KCND3: variants seen among roughly 807,000 people sequenced by gnomAD.
KCND3 encodes potassium voltage-gated channel subfamily D member 3.
KCND3 carries 9 observed loss-of-function variants against 51.1 expected under a neutral mutation model. The observed-to-expected ratio is 0.18, with a 90% CI of 0.11 to 0.31. KCND3 has a LOEUF of 0.31. Among genes scored for constraint, KCND3 ranks in the 10% least tolerant of loss-of-function variants. KCND3 has a pLI of 1.00. For synonymous variants in KCND3, 349 were observed against 368.0 expected (o/e 0.95, Z 0.59); for missense variants, 526 against 903.8 (o/e 0.58, Z 5.36).
intron 2 of KCND3, among the ~76,000 whole-genome samples, chr1:111,900,990 G>A (rs1048390558): frequency 2.0e-5 from 3 of 152,114 alleles, no homozygotes; most frequent in African/African-American, 7.2e-5. Context: ...ACAAAAACTG[G>A]TTGAATGAAT....
intron 2 of KCND3, among the ~76,000 whole-genome samples, chr1:111,811,585 C>G (rs1183064545): frequency 6.6e-6 from 1 of 152,052 alleles, no homozygotes; most frequent in African/African-American, 2.4e-5. Context: ...TTTCTGAGTC[C>G]CTGGGTGAAT....
intron 2 of KCND3, among the ~76,000 whole-genome samples, chr1:111,848,404 G>A (rs1197912810): frequency 6.6e-6 from 1 of 152,196 alleles, no homozygotes; most frequent in Non-Finnish European, 1.5e-5. Context: ...ACACAGCCAG[G>A]GCTTTGGGAC....
intron 2 of KCND3, among the ~76,000 whole-genome samples, chr1:111,794,882 C>T (rs140882107): frequency 1.2e-3 from 187 of 152,270 alleles, no homozygotes; most frequent in Non-Finnish European, 2.1e-3. Flanking sequence ...GTAAGTAATA[C>T]GCCCAAGGTC....
intron 2 of KCND3, among the ~76,000 whole-genome samples, chr1:111,832,314 C>T (rs568378209): frequency 1.3e-5 from 2 of 152,272 alleles, no homozygotes; most frequent in African/African-American, 4.8e-5. Context: ...CCGAGAGAAG[C>T]CTGGGACGTT....
intron 2 of KCND3, among the ~76,000 whole-genome samples, chr1:111,895,884 A>G (rs1026821541): frequency 2.0e-5 from 3 of 152,238 alleles, no homozygotes; most frequent in Non-Finnish European, 4.4e-5. Flanking sequence ...ATCTGGGGCC[A>G]CATCAAGTGT....
At chr1:111,952,326 A>G (rs1371255794) in intron 2 of KCND3, among the ~76,000 whole-genome samples, 1 of 152,070 alleles carries the variant, frequency 6.6e-6, no homozygotes, top group Non-Finnish European at 1.5e-5. Flanking sequence ...GGCAGGGCTG[A>G]CCTGGAAGCC....
chr1:111,856,009 T>A (rs1214990506), intron 2 of KCND3, among the ~76,000 whole-genome samples: 2 of 152,162 alleles, frequency 1.3e-5, no homozygotes, highest in African/African-American at 4.8e-5. Flanking sequence ...AACCTCACCC[T>A]CTTTTCTCCC....
At chr1:111,886,751 A>T (rs1669589171) in intron 2 of KCND3, among the ~76,000 whole-genome samples, 2 of 152,202 alleles carry the variant, frequency 1.3e-5, no homozygotes. Context: ...CATTTTAACC[A>T]AAAGGAGAAA....
chr1:111,856,514 C>G (rs1392012992), intron 2 of KCND3, among the ~76,000 whole-genome samples: 1 of 152,202 alleles, frequency 6.6e-6, no homozygotes, highest in African/African-American at 2.4e-5. Flanking sequence ...CTCGGCCTCC[C>G]CTCCAAACCC....
intron 2 of KCND3, among the ~76,000 whole-genome samples, chr1:111,827,297 G>A (rs1049815528): frequency 6.6e-6 from 1 of 152,256 alleles, no homozygotes; most frequent in Non-Finnish European, 1.5e-5. Flanking sequence ...CAAGTGCCAA[G>A]AGGAGAGGTA....
intron 2 of KCND3, among the ~76,000 whole-genome samples, chr1:111,971,610 C>A (rs889328175): frequency 6.6e-6 from 1 of 152,110 alleles, no homozygotes; most frequent in African/African-American, 2.4e-5. Context: ...ATTTTGGAAA[C>A]GGCCTGTTTA....
At chr1:111,983,470 C>T (rs1304948422) in intron 1 of KCND3, among the ~76,000 whole-genome samples, 1 of 152,148 alleles carries the variant, frequency 6.6e-6, no homozygotes, top group Non-Finnish European at 1.5e-5. Context: ...CCCTAGCAAC[C>T]TAGTATCAAA....
At chr1:111,940,816 C>A (rs1672479677) in intron 2 of KCND3, among the ~76,000 whole-genome samples, 1 of 152,280 alleles carries the variant, frequency 6.6e-6, no homozygotes. Context: ...GAGACCCAGG[C>A]ATTCACATTT....
chr1:111,919,921 C>A (rs962236720), intron 2 of KCND3, among the ~76,000 whole-genome samples: 1 of 152,182 alleles, frequency 6.6e-6, no homozygotes, highest in African/African-American at 2.4e-5. Flanking sequence ...AAGGGGCCAG[C>A]CTGGATGGAG....
intron 2 of KCND3, among the ~76,000 whole-genome samples, chr1:111,802,196 C>G (rs531321296): frequency 4.4e-4 from 67 of 152,344 alleles, no homozygotes; most frequent in Non-Finnish European, 8.8e-4. Context: ...TTGGGCTGCT[C>G]ACATCATCGG....
At chr1:111,960,481 T>C (rs1442219290) in intron 2 of KCND3, among the ~76,000 whole-genome samples, 1 of 152,200 alleles carries the variant, frequency 6.6e-6, no homozygotes. Context: ...CCAGGGCTGG[T>C]ACCCCTTCCT....
chr1:111,788,559 T>G (rs1664703557), intron 2 of KCND3, among the ~76,000 whole-genome samples: 1 of 152,210 alleles, frequency 6.6e-6, no homozygotes, highest in Non-Finnish European at 1.5e-5. Context: ...GGCTCCTGTT[T>G]TGAGACTGTC....
chr1:111,791,705 T>C (rs549298881), intron 2 of KCND3, among the ~76,000 whole-genome samples: 1 of 152,246 alleles, frequency 6.6e-6, no homozygotes, highest in Non-Finnish European at 1.5e-5. Flanking sequence ...AGAGCTACTA[T>C]GAATTGAGGT....
At chr1:111,881,233 T>A (rs1481715738) in intron 2 of KCND3, among the ~76,000 whole-genome samples, 1 of 152,238 alleles carries the variant, frequency 6.6e-6, no homozygotes, top group Admixed American at 6.5e-5. Flanking sequence ...CATCTTTTTT[T>A]AATCCCAAGC....
Sources: gnomAD v4.1 joint callset for allele counts (sites outside exome capture counted in the v4.1 genomes callset) on GRCh38, gnomAD v4.1.1 for gene constraint, MANE v1.5 for transcripts, NCBI Gene and HGNC (gene_info 2026-07-23, HGNC 2026-07-21) for gene names.